Variants in PDXK observed in about 807,000 individuals in gnomAD.
PDXK encodes epididymis secretory sperm binding protein Li 1a.
PDXK carries 15 observed loss-of-function variants against 43.2 expected under a neutral mutation model. That is an observed-to-expected ratio of 0.35 (90% CI 0.23 to 0.53). PDXK has a LOEUF of 0.53. Among genes scored for constraint, PDXK ranks in the 20% least tolerant of loss-of-function variants. The pLI is 0.92. For synonymous variants in PDXK, 172 were observed against 165.4 expected (o/e 1.04, Z -0.31); for missense variants, 343 against 417.0 (o/e 0.82, Z 1.54).
At chr21:43,742,072 C>T (rs945703104) in intron 3 of PDXK, among the ~76,000 whole-genome samples, 1 of 152,138 alleles carries the variant, frequency 6.6e-6, no homozygotes, top group Non-Finnish European at 1.5e-5. Flanking sequence ...CTGACCGGGG[C>T]AGGACAGGTG....
At chr21:43,726,673 G>A (rs2083257319) in intron 1 of PDXK, among the ~76,000 whole-genome samples, 1 of 152,160 alleles carries the variant, frequency 6.6e-6, no homozygotes, top group African/African-American at 2.4e-5. Context: ...CTCCCAAAGT[G>A]TTGGGATTAC....
chr21:43,724,224 TAGGC>T (rs767614835), intron 1 of PDXK, among the ~76,000 whole-genome samples: 1 of 152,138 alleles, frequency 6.6e-6, no homozygotes, highest in Non-Finnish European at 1.5e-5. Flanking sequence ...CCATGCCCGT[TAGGC>T]AGGTGGACTG....
chr21:43,755,808 C>G (rs763572157), intron 10 of PDXK, 44 bp downstream of exon 10: 42 of 1,566,524 alleles, frequency 2.7e-5, no homozygotes, highest in Non-Finnish European at 3.7e-5. Context: ...TCCTGGCTCC[C>G]GAAGTGGGTG....
At position 43,735,061 on chromosome 21, in the gene PDXK, C is replaced by T. The variant is rs775251743; in HGVS notation, c.142+938C>T. 6.6e-5 allele frequency among the ~76,000 whole-genome samples: 10 copies of T among 152,178 alleles called. No individual in the cohort carries two copies. Among genetic ancestry groups the T allele is most frequent in the African/African-American group, 1.2e-4 (5 of 41,438 alleles). On this transcript the variant is annotated intron_variant, in intron 2 of 10. Transcript: ENST00000291565. This position sits in a 1 kb window ranked among gnomAD's most constrained non-coding sequence, Gnocchi z 5.3. ...AAGTGAGAGGAAAGAGTTGCTTGGCCGGTGCAGACGGACAGGCTCCAGCTC... is the reference window on the plus strand; with the variant it reads ...AAGTGAGAGGAAAGAGTTGCTTGGCTGGTGCAGACGGACAGGCTCCAGCTC...
rs1470864762 is a variant in PDXK, at chr21:43,735,645, C to T, written c.142+1522C>T. On this transcript the variant is annotated intron_variant, in intron 2 of 10. Transcript: ENST00000291565. This position sits in a 1 kb window ranked among gnomAD's most constrained non-coding sequence, Gnocchi z 5.3. ...GGTTCCTGGGAGCCCCCACTCCAGC[C>T]TCCTCCAGATGCCATGGGGGGCCTG... Among the ~76,000 whole-genome samples, 1 of 152,154 alleles carries T rather than the reference C, an allele frequency of 6.6e-6. No homozygotes were observed. Among genetic ancestry groups the T allele is most frequent in the East Asian group, 1.9e-4 (1 of 5,198 alleles).
intron 3 of PDXK, 135 bp downstream of exon 3, chr21:43,741,906 C>T: frequency 1.5e-6 from 1 of 666,092 alleles, no homozygotes. Context: ...TTGGCGTGCC[C>T]AAGCCACCAT....
chr21:43,754,580 GCTCA>G lies in PDXK; in HGVS notation c.759+862_759+865del, dbSNP rs1249982444. ...CTCTGAGGTGGTCCCCAGCCCCTGG[GCTCA>G]GCCCCCAAAACTCCCCTGGGTACTT... On this transcript the variant is annotated intron_variant, in intron 9 of 10. Transcript: ENST00000291565. The surrounding 1 kb of genome is among the most constrained non-coding windows in gnomAD (Gnocchi z 5.5). 2.6e-5 allele frequency among the ~76,000 whole-genome samples: 4 copies of G among 152,082 alleles called. No homozygotes were observed. The highest frequency in any genetic ancestry group is 9.7e-5 in the African/African-American group (4 of 41,396).
chr21:43,730,734 G>C (rs140345503), intron 1 of PDXK, among the ~76,000 whole-genome samples: 2 of 152,080 alleles, frequency 1.3e-5, no homozygotes, highest in South Asian at 2.1e-4. Flanking sequence ...GAGGAGAATT[G>C]ATTGAGCTTA....
chr21:43,734,071 T>G lies in PDXK; in HGVS notation c.90T>G (p.Val30=). 1 of 1,614,150 alleles carries G rather than the reference T, an allele frequency of 6.2e-7. No individual in the cohort carries two copies. The highest frequency in any genetic ancestry group is 8.5e-7 in the Non-Finnish European group (1 of 1,179,986). The change falls in exon 2 of 11, where the codon GTT becomes GTG. Residue 30 remains valine, a splice_region_variant and synonymous_variant. Coordinates refer to ENST00000291565, the MANE Select transcript of PDXK (RefSeq NM_003681.5). The surrounding 1 kb of genome is among the most constrained non-coding windows in gnomAD (Gnocchi z 5.0). The part of the protein sequence containing the change: ...GNRAATFPLQ[V]LGFEIDAVNS... Reference sequence around the variant, plus strand: ...CCTGTTCCTTCTCTGTCTTGCAGGTTTTGGGATTTGAGATTGACGCGGTGA... The same window carrying G: ...CCTGTTCCTTCTCTGTCTTGCAGGTGTTGGGATTTGAGATTGACGCGGTGA...
chr21:43,744,719 A>G (rs2083606315), intron 4 of PDXK: 1 of 152,268 alleles, frequency 6.6e-6, no homozygotes, highest in South Asian at 2.1e-4. Flanking sequence ...TAGTTCCCCA[A>G]CAAGTGGAAC....
intron 7 of PDXK, among the ~76,000 whole-genome samples, chr21:43,751,365 A>G (rs1051815264): frequency 2.0e-5 from 3 of 152,172 alleles, no homozygotes; most frequent in Admixed American, 6.5e-5. Context: ...CCTGGCCAAC[A>G]TGGTAAAACC....
intron 1 of PDXK, among the ~76,000 whole-genome samples, chr21:43,730,680 G>T (rs187130653): frequency 2.8e-4 from 42 of 152,288 alleles, no homozygotes; most frequent in Non-Finnish European, 4.7e-4. Context: ...TAGTCTGGGT[G>T]CAGTGGCTCA....
Position 43,755,732 on chromosome 21 carries a change from A to T in PDXK, c.794A>T (p.His265Leu). ...GAGAAGACCGTGTCTACCTTGCACC[A>T]CGTTCTGCAGAGGACCATCCAGTGT... is the stretch of plus-strand genomic sequence containing the variant. ...ACEKTVSTLHHVLQRTIQCAK... is the reference protein window; with the variant it reads ...ACEKTVSTLHLVLQRTIQCAK... The change falls in exon 10 of 11, where the codon CAC becomes CTC. Residue 265 changes from histidine (H) to leucine (L), a missense_variant. His to Leu is a moderately conservative substitution (Grantham distance 99, BLOSUM62 -3). Coordinates refer to ENST00000291565, the MANE Select transcript of PDXK (RefSeq NM_003681.5). 6.2e-7 allele frequency: 1 copy of T among 1,614,068 alleles called. No individual in the cohort carries two copies. Among genetic ancestry groups the T allele is most frequent in the Non-Finnish European group, 8.5e-7 (1 of 1,179,974 alleles).
chr21:43,728,529 C>T (rs2083276557), intron 1 of PDXK, among the ~76,000 whole-genome samples: 1 of 152,212 alleles, frequency 6.6e-6, no homozygotes, highest in African/African-American at 2.4e-5. Context: ...TCCTGCCGTT[C>T]TGAGTCACCC....
chr21:43,731,519 A>G (rs1044956525), intron 1 of PDXK, among the ~76,000 whole-genome samples: 2 of 152,228 alleles, frequency 1.3e-5, no homozygotes, highest in African/African-American at 4.8e-5. Context: ...ATTCACATAC[A>G]CAGACCAGTA....
At position 43,719,198 on chromosome 21, in the gene PDXK, C is replaced by T. The variant is rs1450501967; in HGVS notation, c.-97C>T. The stretch of plus-strand genomic sequence containing the variant: ...AGCCAGAGTCGCAGCCGAGGGGAGC[C>T]GGGGCCGGAGCCCGAGCCCGAGCCG... On this transcript the variant is annotated 5_prime_UTR_variant, in exon 1 of 11. Coordinates refer to ENST00000291565, the MANE Select transcript of PDXK (RefSeq NM_003681.5). The T allele has an allele frequency of 5.4e-6, 3 of 555,244 alleles. No homozygotes were observed. The highest frequency in any genetic ancestry group is 7.9e-6 in the Non-Finnish European group (3 of 381,462). The allele number at this position is 555,244 out of a possible 1,614,324, so 34.4% of individuals were successfully genotyped here.
intron 5 of PDXK, among the ~76,000 whole-genome samples, chr21:43,747,731 C>T (rs1362099169): frequency 2.0e-5 from 3 of 152,214 alleles, no homozygotes; most frequent in South Asian, 4.1e-4. Flanking sequence ...AGTGCGGCTA[C>T]GGGATCTGGC....
At chr21:43,733,606 G>A (rs144016641) in intron 1 of PDXK, 15 of 1,028,076 alleles carry the variant, frequency 1.5e-5, no homozygotes, top group African/African-American at 1.0e-4. Flanking sequence ...TGTGCTGCCC[G>A]CGGAGCCCTT....
At chr21:43,733,822 T>C (rs2083359715) in intron 1 of PDXK, 1 of 706,960 alleles carries the variant, frequency 1.4e-6, no homozygotes, top group Non-Finnish European at 2.3e-6. Context: ...GGCGATGCCC[T>C]CCCGGGCTGG....
Sources: gnomAD v4.1 joint callset for allele counts (sites outside exome capture counted in the v4.1 genomes callset) on GRCh38, gnomAD v4.1.1 for gene constraint, Gnocchi (gnomAD v3.1) non-coding constraint, MANE v1.5 for transcripts, NCBI Gene and HGNC (gene_info 2026-07-23, HGNC 2026-07-21) for gene names.